Variants in BSN observed in about 807,000 individuals in gnomAD.
The protein encoded by BSN is bassoon presynaptic cytomatrix protein.
BSN carries 57 observed loss-of-function variants against 264.8 expected under a neutral mutation model. The ratio of observed to expected loss-of-function variants is 0.22; its 90% CI spans 0.17 to 0.27. BSN has a LOEUF of 0.27. Ranked by LOEUF, BSN falls within the 10% of genes least tolerant of loss-of-function variation. The pLI is 1.00. For missense variants in BSN, 4,615 were observed against 5,232.5 expected (o/e 0.88, Z 3.64); for synonymous variants, 2,059 against 2,137.3 (o/e 0.96, Z 1.01).
intron 1 of BSN, among the ~76,000 whole-genome samples, chr3:49,616,194 C>T (rs1002016712): frequency 2.6e-5 from 4 of 152,152 alleles, no homozygotes; most frequent in Non-Finnish European, 5.9e-5. Flanking sequence ...TGTGCAAAAA[C>T]TGGAATTTTT....
intron 6 of BSN, 45 bp from the exon 7 acceptor site, chr3:49,662,831 C>A: frequency 6.6e-7 from 1 of 1,518,088 alleles, no homozygotes; most frequent in South Asian, 1.3e-5. Context: ...CCTCCCCCTG[C>A]GGCTAGCCCG....
At chr3:49,591,778 G>C (rs2051979608) in intron 1 of BSN, among the ~76,000 whole-genome samples, 2 of 151,938 alleles carry the variant, frequency 1.3e-5, no homozygotes, top group African/African-American at 2.4e-5. Context: ...ATGTAGAGAT[G>C]GGGTTTTGGC....
chr3:49,641,558 G>A (rs1384650133), intron 2 of BSN: 1 of 151,934 alleles, frequency 6.6e-6, no homozygotes, highest in African/African-American at 2.4e-5. Flanking sequence ...TCTTTAAAAA[G>A]CTATCTTCCT....
chr3:49,648,416 A>C (rs1041148990), intron 3 of BSN, among the ~76,000 whole-genome samples: 4 of 152,240 alleles, frequency 2.6e-5, no homozygotes, highest in Non-Finnish European at 5.9e-5. Context: ...CATGCTGACC[A>C]TAGGGCTGGG....
intron 1 of BSN, among the ~76,000 whole-genome samples, chr3:49,604,851 G>T (rs1223931128): frequency 2.0e-5 from 3 of 151,778 alleles, no homozygotes; most frequent in Non-Finnish European, 4.4e-5. Context: ...AGCCACACTG[G>T]CGTGCTTGCT....
chr3:49,588,003 C>A (rs1447790153), intron 1 of BSN, among the ~76,000 whole-genome samples: 1 of 150,936 alleles, frequency 6.6e-6, no homozygotes, highest in Non-Finnish European at 1.5e-5. Flanking sequence ...CTAACTGCAA[C>A]CTTCGCCTCC....
intron 1 of BSN, among the ~76,000 whole-genome samples, chr3:49,619,097 CTGAA>C (rs67035515): frequency 0.86 from 130,100 of 151,618 alleles, 55,976 homozygotes; most frequent in East Asian, 0.99. Flanking sequence ...ATGTGAATTC[CTGAA>C]TGAATGAATG....
chr3:49,654,717 CAGGAGCATA>C lies in BSN; in HGVS notation c.5162_5170del (p.Gln1721_Thr1724delinsPro). 6.2e-7 allele frequency: 1 copy of C among 1,613,720 alleles called. No homozygotes were observed. Among genetic ancestry groups the C allele is most frequent in the Non-Finnish European group, 8.5e-7 (1 of 1,180,026 alleles). ...GCCCTTGGTTATCAACCTCAATGCCCAGGAGCATACCTTCCTTGCTACTGCCACCACCGT... is the reference window on the plus strand; with the variant it reads ...GCCCTTGGTTATCAACCTCAATGCCCCCTTCCTTGCTACTGCCACCACCGT... On this transcript the variant is annotated inframe_deletion, in exon 5 of 12. Coordinates refer to ENST00000296452, the MANE Select transcript of BSN (RefSeq NM_003458.4). The surrounding 1 kb of genome is among the most constrained non-coding windows in gnomAD (Gnocchi z 4.1).
At chr3:49,575,400 A>G (rs1342028079) in intron 1 of BSN, among the ~76,000 whole-genome samples, 5 of 148,250 alleles carry the variant, frequency 3.4e-5, no homozygotes, top group South Asian at 4.3e-4. Context: ...ATATGTGTGT[A>G]TATATATGTA....
At position 49,652,332 on chromosome 3, in the gene BSN, G is replaced by C. The variant is rs746569267; in HGVS notation, c.2776G>C (p.Gly926Arg). Residue 926 changes from glycine (G) to arginine (R), a missense_variant, in exon 5 of 12, where the codon GGT (glycine) becomes CGT (arginine). Coordinates refer to ENST00000296452, the MANE Select transcript of BSN (RefSeq NM_003458.4). The part of the protein sequence containing the change: ...EATDGSGTLQ[G>R]GLRRFKTIEL... ...TACCGATGGCAGTGGGACCCTGCAG[G>C]GTGGGCTCCGTCGCTTCAAGACCAT... 3 of 1,602,420 alleles carry C rather than the reference G, an allele frequency of 1.9e-6. No homozygotes were observed. In the East Asian group the frequency reaches 6.7e-5, roughly 36 times the overall value.
chr3:49,639,174 C>T (rs1559611276), intron 2 of BSN, among the ~76,000 whole-genome samples: 2 of 151,748 alleles, frequency 1.3e-5, no homozygotes, highest in Admixed American at 6.6e-5. Flanking sequence ...ATAGACAAAG[C>T]TGCCTTGCTT....
chr3:49,663,968 C>A, intron 8 of BSN, 82 bp downstream of exon 8: 1 of 1,300,730 alleles, frequency 7.7e-7, no homozygotes, highest in Non-Finnish European at 1.1e-6. Flanking sequence ...GCCCTGAGCT[C>A]CCCCACACTG....
chr3:49,666,845 A>G (rs1201426473), intron 11 of BSN, among the ~76,000 whole-genome samples: 1 of 152,214 alleles, frequency 6.6e-6, no homozygotes, highest in African/African-American at 2.4e-5. Context: ...TATTCTAATT[A>G]CAGTAGCCAT....
chr3:49,654,289 C>T lies in BSN; in HGVS notation c.4733C>T (p.Thr1578Ile). The T allele has an allele frequency of 6.2e-7, 1 of 1,613,612 alleles. No homozygotes were observed. The highest frequency in any genetic ancestry group is 2.2e-5 in the East Asian group (1 of 44,880). Residue 1578 changes from threonine to isoleucine, a missense_variant, in exon 5 of 12, where the codon ACC becomes ATC. By Grantham distance (89) the Thr-to-Ile change is moderately conservative (BLOSUM62 -1). Transcript: ENST00000296452. This position sits in a 1 kb window ranked among gnomAD's most constrained non-coding sequence, Gnocchi z 4.1. ...AGGATGGTACATGCCAGTGCCTCCA[C>T]CTCCCCGCTCTGCTCACCTACTGAA... is the stretch of plus-strand genomic sequence containing the variant. The part of the protein sequence containing the change: ...QTRMVHASAS[T>I]SPLCSPTETQ...
At chr3:49,595,491 A>G (rs1298022292) in intron 1 of BSN, among the ~76,000 whole-genome samples, 2 of 150,812 alleles carry the variant, frequency 1.3e-5, no homozygotes, top group Non-Finnish European at 3.0e-5. Context: ...GCCCGGCCTC[A>G]CAATTTTTTT....
At chr3:49,605,911 GATATAAATAGATATAAAATCTATTTAT>G (rs1559603216) in intron 1 of BSN, among the ~76,000 whole-genome samples, 1 of 5,090 alleles carries the variant, frequency 2.0e-4, no homozygotes, top group African/African-American at 6.5e-4. Flanking sequence ...TATATAAATA[GATATAAATAGATATAAAATCTATTTAT>G]ATATAAATAT....
Position 49,652,417 on chromosome 3 carries a change from C to T in BSN, c.2861C>T (p.Pro954Leu). ...HELDLGQGPD[P>L]SLDREPELEM... ...TTGGACCTGGGCCAAGGCCCAGACCCCAGTCTGGACCGGGAGCCTGAGCTG... is the reference window on the plus strand; with the variant it reads ...TTGGACCTGGGCCAAGGCCCAGACCTCAGTCTGGACCGGGAGCCTGAGCTG... The change falls in exon 5 of 12, where the codon CCC becomes CTC. Residue 954 changes from proline to leucine, a missense_variant. Pro to Leu is a moderately conservative substitution (Grantham distance 98). Transcript: ENST00000296452. 1 of 1,611,950 alleles carries T rather than the reference C, an allele frequency of 6.2e-7. No homozygotes were observed. Among genetic ancestry groups the T allele is most frequent in the East Asian group, 2.2e-5 (1 of 44,872 alleles).
At chr3:49,606,135 C>CGTATATATTATATATAT (rs1559603416) in intron 1 of BSN, among the ~76,000 whole-genome samples, 2 of 21,252 alleles carry the variant, frequency 9.4e-5, no homozygotes, top group African/African-American at 3.4e-4. Flanking sequence ...ATTATATATA[C>CGTATATATTATATATAT]ATATATTATA....
intron 1 of BSN, among the ~76,000 whole-genome samples, chr3:49,570,600 G>A (rs1429732625): frequency 1.3e-5 from 2 of 152,162 alleles, no homozygotes; most frequent in Admixed American, 1.3e-4. Context: ...AAAGTTCCAG[G>A]GGCAGACGCC....
Sources: gnomAD v4.1 joint callset for allele counts (sites outside exome capture counted in the v4.1 genomes callset) on GRCh38, gnomAD v4.1.1 for gene constraint, Gnocchi (gnomAD v3.1) non-coding constraint, MANE v1.5 for transcripts, NCBI Gene and HGNC (gene_info 2026-07-23, HGNC 2026-07-21) for gene names.